The following SGMS1 variants were observed in gnomAD, a reference collection of about 807,000 sequenced individuals.
SGMS1 encodes phosphatidylcholine:ceramide cholinephosphotransferase 1.
Under a neutral mutation model 46.2 loss-of-function variants are expected in SGMS1, and 13 were observed. The observed-to-expected ratio is 0.28, with a 90% confidence interval of 0.18 to 0.45. The LOEUF (loss-of-function observed/expected upper bound fraction) is 0.45, where lower values mean the gene tolerates loss of function less well. SGMS1 is among the 20% of genes least tolerant of loss of function. The pLI is 1.00. For missense variants in SGMS1, 324 were observed against 519.9 expected (o/e 0.62, Z 3.66); for synonymous variants, 203 against 187.8 (o/e 1.08, Z -0.66).
At chr10:50,366,969 G>A (rs1403598134) in intron 6 of SGMS1, among the ~76,000 whole-genome samples, 1 of 152,004 alleles carries the variant, frequency 6.6e-6, no homozygotes, top group Non-Finnish European at 1.5e-5. Context: ...AAAAAAGTGG[G>A]CAAAGGATAT....
chr10:50,568,011 G>A (rs1483762126), intron 2 of SGMS1, among the ~76,000 whole-genome samples: 1 of 152,078 alleles, frequency 6.6e-6, no homozygotes, highest in Non-Finnish European at 1.5e-5. Context: ...TTGGGGGAGG[G>A]GGTTGGGGAC....
intron 6 of SGMS1, among the ~76,000 whole-genome samples, chr10:50,386,062 C>T (rs988654568): frequency 5.3e-5 from 8 of 152,074 alleles, no homozygotes; most frequent in African/African-American, 1.4e-4. Flanking sequence ...GGCAATTCTG[C>T]GATGCCTAAC....
intron 2 of SGMS1, among the ~76,000 whole-genome samples, chr10:50,521,114 C>T (rs1837853689): frequency 6.6e-6 from 1 of 152,066 alleles, no homozygotes; most frequent in South Asian, 2.1e-4. Flanking sequence ...AAGTGATCTT[C>T]CCACCTCAGC....
At chr10:50,550,180 A>G (rs1838136451) in intron 2 of SGMS1, among the ~76,000 whole-genome samples, 1 of 152,234 alleles carries the variant, frequency 6.6e-6, no homozygotes, top group Non-Finnish European at 1.5e-5. Flanking sequence ...ATATTTTAAG[A>G]CAATCTACTT....
intron 6 of SGMS1, among the ~76,000 whole-genome samples, chr10:50,391,972 G>A (rs541191751): frequency 2.2e-4 from 34 of 151,874 alleles, no homozygotes; most frequent in Non-Finnish European, 3.1e-4. Context: ...ATAAGTGGAA[G>A]CTAAACACTG....
At chr10:50,563,773 CTT>C (rs1325071826) in intron 2 of SGMS1, among the ~76,000 whole-genome samples, 1 of 144,854 alleles carries the variant, frequency 6.9e-6, no homozygotes, top group Non-Finnish European at 1.5e-5. Context: ...AAAAGAAACT[CTT>C]TTGATGGAAC....
intron 2 of SGMS1, among the ~76,000 whole-genome samples, chr10:50,580,061 C>T (rs77905312): frequency 1.9e-3 from 292 of 152,252 alleles, no homozygotes; most frequent in African/African-American, 6.8e-3. Context: ...GACACAATTA[C>T]TAAATCCAAG....
At chr10:50,311,549 C>T (rs1185704175) in intron 8 of SGMS1, 134 bp from the exon 9 acceptor site, 1 of 528,942 alleles carries the variant, frequency 1.9e-6, no homozygotes, top group Non-Finnish European at 3.0e-6. Flanking sequence ...AGTTTGCCCA[C>T]TCAGTGTTTA....
At chr10:50,588,670 T>TA (rs1838509464) in intron 2 of SGMS1, among the ~76,000 whole-genome samples, 1 of 151,258 alleles carries the variant, frequency 6.6e-6, no homozygotes, top group African/African-American at 2.4e-5. Context: ...AGTTTAGGTT[T>TA]AAAAAATCAG....
At chr10:50,445,069 TAA>T (rs1297324710) in intron 5 of SGMS1, among the ~76,000 whole-genome samples, 1 of 152,084 alleles carries the variant, frequency 6.6e-6, no homozygotes, top group African/African-American at 2.4e-5. Context: ...AGATACTTCA[TAA>T]AAGAGGACAC....
chr10:50,308,264 C>T, intron 9 of SGMS1, 116 bp from the exon 10 acceptor site: 1 of 898,142 alleles, frequency 1.1e-6, no homozygotes, highest in Non-Finnish European at 1.6e-6. Flanking sequence ...CTTCTGAAAA[C>T]AGATCTAGTG....
chr10:50,510,549 T>C (rs1405626323), intron 3 of SGMS1, among the ~76,000 whole-genome samples: 1 of 152,174 alleles, frequency 6.6e-6, no homozygotes, highest in East Asian at 1.9e-4. Context: ...TGGTATTATC[T>C]GTTTTTGTTT....
intron 5 of SGMS1, among the ~76,000 whole-genome samples, chr10:50,453,836 G>GAGGA (rs1837149965): frequency 6.0e-5 from 1 of 16,690 alleles, no homozygotes; most frequent in Admixed American, 4.2e-4. Flanking sequence ...AGGGAGGGGA[G>GAGGA]AGGAGGGAGG....
intron 6 of SGMS1, among the ~76,000 whole-genome samples, chr10:50,428,003 G>C (rs1849352625): frequency 6.6e-6 from 1 of 151,992 alleles, no homozygotes; most frequent in African/African-American, 2.4e-5. Context: ...GTGTGTGTGT[G>C]CATGTGTGTG....
intron 6 of SGMS1, among the ~76,000 whole-genome samples, chr10:50,347,285 T>C (rs1847930710): frequency 6.6e-6 from 1 of 152,234 alleles, no homozygotes; most frequent in African/African-American, 2.4e-5. Context: ...TAGTAATGTG[T>C]AGATGGCTTA....
At chr10:50,461,123 T>C (rs1169889127) in intron 4 of SGMS1, among the ~76,000 whole-genome samples, 1 of 152,206 alleles carries the variant, frequency 6.6e-6, no homozygotes, top group East Asian at 1.9e-4. Context: ...GTTTCTCCTT[T>C]TATATATTTA....
intron 5 of SGMS1, among the ~76,000 whole-genome samples, chr10:50,439,958 A>G (rs1320897809): frequency 3.9e-5 from 6 of 152,162 alleles, no homozygotes; most frequent in Non-Finnish European, 8.8e-5. Context: ...TAAGTGCTGT[A>G]TATAAGGAAC....
At chr10:50,487,989 A>AT (rs1362464972) in intron 3 of SGMS1, among the ~76,000 whole-genome samples, 10 of 42,832 alleles carry the variant, frequency 2.3e-4, no homozygotes, top group Non-Finnish European at 5.6e-4. Context: ...TTTTTATTTT[A>AT]TTTATTTATT....
intron 6 of SGMS1, among the ~76,000 whole-genome samples, chr10:50,370,349 C>T (rs967359862): frequency 6.6e-6 from 1 of 151,888 alleles, no homozygotes; most frequent in Non-Finnish European, 1.5e-5. Context: ...ACGCATTATA[C>T]AGCTGTATAA....
Sources: gnomAD v4.1 joint callset for allele counts (sites outside exome capture counted in the v4.1 genomes callset) on GRCh38, gnomAD v4.1.1 for gene constraint, MANE v1.5 for transcripts, NCBI Gene and HGNC (gene_info 2026-07-23, HGNC 2026-07-21) for gene names.